The following RAB5A variants were observed in gnomAD, a reference collection of about 807,000 sequenced individuals.
RAB5A encodes the protein ras-related protein Rab-5A.
Under a neutral mutation model 25.7 loss-of-function variants are expected in RAB5A, and 8 were observed. The ratio of observed to expected loss-of-function variants is 0.31; its 90% CI spans 0.18 to 0.56. The LOEUF is 0.56. Ranked by LOEUF, RAB5A falls within the 20% of genes least tolerant of loss-of-function variation. The pLI is 0.91. For synonymous variants in RAB5A, 98 were observed against 89.8 expected, an observed-to-expected ratio of 1.09 and a Z score of -0.52; for missense variants, 192 against 259.7, an observed-to-expected ratio of 0.74 and a Z score of 1.79.
intron 2 of RAB5A, among the ~76,000 whole-genome samples, chr3:19,961,875 A>C (rs1696590570): frequency 2.0e-5 from 3 of 152,252 alleles, no homozygotes. Context: ...TTTATTTTTC[A>C]CTTTAATGCT....
chr3:19,957,126 C>T (rs1464706072), intron 2 of RAB5A, among the ~76,000 whole-genome samples: 1 of 145,460 alleles, frequency 6.9e-6, no homozygotes, highest in African/African-American at 2.8e-5. Context: ...ACAGATCTCA[C>T]TGTTGGTGCC....
chr3:19,958,547 G>A (rs78348781), intron 2 of RAB5A, among the ~76,000 whole-genome samples: 1,752 of 152,234 alleles, frequency 0.012, 36 homozygotes, highest in African/African-American at 0.04. Context: ...TGAACTCTAG[G>A]TAAGGATTCT....
chr3:19,951,172 G>A, intron 2 of RAB5A, 111 bp downstream of exon 2: 1 of 1,240,890 alleles, frequency 8.1e-7, no homozygotes, highest in Non-Finnish European at 1.1e-6. Context: ...ATAGAGTGAA[G>A]AAAAGAGCTG....
chr3:19,947,674 G>A (rs1330857083), intron 1 of RAB5A, 153 bp downstream of exon 1: 1 of 152,500 alleles, frequency 6.6e-6, no homozygotes, highest in Non-Finnish European at 1.5e-5. Context: ...TATCGAACCC[G>A]GCGTCTTGTT....
chr3:19,960,912 C>T (rs567220568), intron 2 of RAB5A, among the ~76,000 whole-genome samples: 1 of 152,270 alleles, frequency 6.6e-6, no homozygotes, highest in South Asian at 2.1e-4. Context: ...AATCTTGATA[C>T]ATGACTAGTC....
At chr3:19,969,045 G>GTTTTTTTTTTTTTTTTTTTTGT (rs386396075) in intron 2 of RAB5A, among the ~76,000 whole-genome samples, 1 of 103,444 alleles carries the variant, frequency 9.7e-6, no homozygotes, top group Non-Finnish European at 1.7e-5. Context: ...TTTTTTTTTG[G>GTTTTTTTTTTTTTTTTTTTTGT]TTTTTTTTTT....
chr3:19,981,662 A>G (rs1696930499), intron 5 of RAB5A, among the ~76,000 whole-genome samples: 1 of 152,052 alleles, frequency 6.6e-6, no homozygotes, highest in African/African-American at 2.4e-5. Context: ...GGATGGATAT[A>G]TCAGGATGTA....
intron 2 of RAB5A, among the ~76,000 whole-genome samples, chr3:19,954,916 A>G (rs1346739708): frequency 1.3e-5 from 2 of 152,192 alleles, no homozygotes; most frequent in Non-Finnish European, 2.9e-5. Flanking sequence ...AGATTTAGCA[A>G]TTTAGAGAAT....
chr3:19,966,742 G>C (rs1308802136), intron 2 of RAB5A, among the ~76,000 whole-genome samples: 1 of 152,156 alleles, frequency 6.6e-6, no homozygotes, highest in Non-Finnish European at 1.5e-5. Flanking sequence ...GTTTTGATTT[G>C]CATATCCCTA....
At chr3:19,966,867 T>G (rs1384500191) in intron 2 of RAB5A, among the ~76,000 whole-genome samples, 1 of 152,164 alleles carries the variant, frequency 6.6e-6, no homozygotes, top group Non-Finnish European at 1.5e-5. Context: ...TGCAGTAGCA[T>G]GATCACAGCA....
intron 2 of RAB5A, among the ~76,000 whole-genome samples, chr3:19,961,007 T>A (rs1331998317): frequency 2.6e-5 from 4 of 152,194 alleles, no homozygotes; most frequent in Admixed American, 1.3e-4. Flanking sequence ...CAGAATATAT[T>A]CCACCTAGTT....
In RAB5A at chr3:19,984,173, G is replaced by GGAA. The variant is rs1553640307; in HGVS notation, c.*350_*351insGAA. 5.3e-4 allele frequency: 210 copies of GGAA among 394,332 alleles called. No individual in the cohort carries two copies. The highest frequency in any genetic ancestry group is 1.4e-3 in the South Asian group (74 of 53,980). The allele number at this position is 394,332 out of a possible 1,614,324, so 24.4% of individuals were successfully genotyped here. On this transcript the variant is annotated 3_prime_UTR_variant, in exon 6 of 6. Transcript: ENST00000273047. ...CCACACTGGTACAGTAGTCACCTGT[G>GGAA]AAAAAAAAATTGGAACTTACTAATT...
Position 19,976,092 on chromosome 3 carries a change from C to G in RAB5A, c.361C>G (p.Gln121Glu). The G allele has an allele frequency of 2.5e-6, 4 of 1,613,136 alleles. No homozygotes were observed. Among genetic ancestry groups the G allele is most frequent in the Non-Finnish European group, 3.4e-6 (4 of 1,179,646 alleles). Reference sequence around the variant, plus strand: ...AAATTGGGTTAAAGAACTTCAGAGGCAAGCAAGTCCTAACATTGTAATAGC... The same window carrying G: ...AAATTGGGTTAAAGAACTTCAGAGGGAAGCAAGTCCTAACATTGTAATAGC... Reference protein sequence around the residue: ...AKNWVKELQRQASPNIVIALS... With the variant: ...AKNWVKELQREASPNIVIALS... The change falls in exon 4 of 6, where the codon CAA becomes GAA. Residue 121 changes from glutamine to glutamate, a missense_variant. Physicochemically the swap from Gln to Glu is conservative, Grantham distance 29 (BLOSUM62 2). Coordinates refer to ENST00000273047, the MANE Select transcript of RAB5A (RefSeq NM_004162.5).
chr3:19,965,324 A>T lies in RAB5A; in HGVS notation c.164-10277A>T, dbSNP rs573005434. Among the ~76,000 whole-genome samples, 5 of 151,910 alleles carry T rather than the reference A, an allele frequency of 3.3e-5. No homozygotes were observed. The East Asian group carries it at 9.7e-4, about 30-fold the overall frequency. ...ATAGTCCCAACTACTCTGGAGGCTGACTTGGGAGGATTGCTTGAGGCCAGG... is the reference window on the plus strand; with the variant it reads ...ATAGTCCCAACTACTCTGGAGGCTGTCTTGGGAGGATTGCTTGAGGCCAGG... On this transcript the variant is annotated intron_variant, in intron 2 of 5. Transcript: ENST00000273047.
At chr3:19,979,239 T>A (rs1192891758) in intron 5 of RAB5A, among the ~76,000 whole-genome samples, 2 of 152,032 alleles carry the variant, frequency 1.3e-5, no homozygotes, top group Admixed American at 1.3e-4. Flanking sequence ...CCTCCCAAAG[T>A]GCTGGGATTA....
intron 2 of RAB5A, among the ~76,000 whole-genome samples, chr3:19,974,224 A>G (rs1243566457): frequency 6.6e-6 from 1 of 150,628 alleles, no homozygotes; most frequent in Non-Finnish European, 1.5e-5. Context: ...GTGCGATCTC[A>G]GCTCACTGCA....
chr3:19,967,326 A>G (rs1237735336), intron 2 of RAB5A, among the ~76,000 whole-genome samples: 1 of 151,932 alleles, frequency 6.6e-6, no homozygotes, highest in Non-Finnish European at 1.5e-5. Flanking sequence ...TGTGTTTTTA[A>G]TAGAGACAGG....
chr3:19,977,766 A>AT (rs1696849280), intron 4 of RAB5A, among the ~76,000 whole-genome samples: 1 of 152,194 alleles, frequency 6.6e-6, no homozygotes, highest in Non-Finnish European at 1.5e-5. Context: ...ATCAAAAGTA[A>AT]TAATATATGT....
intron 2 of RAB5A, among the ~76,000 whole-genome samples, chr3:19,952,924 T>G (rs933750228): frequency 1.3e-5 from 2 of 149,260 alleles, no homozygotes; most frequent in South Asian, 4.1e-4. Flanking sequence ...GTTTAAAGAC[T>G]GCTAGATCAT....
Sources: allele counts gnomAD v4.1 joint callset (sites outside exome capture counted in the v4.1 genomes callset), GRCh38; gene constraint gnomAD v4.1.1; transcripts MANE v1.5; gene names NCBI Gene and HGNC (gene_info 2026-07-23, HGNC 2026-07-21).